PHACTR3: variants seen among roughly 807,000 people sequenced by gnomAD.
PHACTR3 encodes phosphatase and actin regulator 3, also known as protein phosphatase 1, regulatory subunit 123.
In PHACTR3, 16 loss-of-function variants were observed where a neutral mutation model predicts 66.8. The ratio of observed to expected loss-of-function variants is 0.24; its 90% CI spans 0.16 to 0.36. PHACTR3 has a LOEUF of 0.36. Among genes scored for constraint, PHACTR3 ranks in the 10% least tolerant of loss-of-function variants. The probability of loss-of-function intolerance (pLI) is 1.00; values close to 1 mark genes in which losing one functional copy is unlikely to be tolerated. For synonymous variants in PHACTR3, 323 were observed against 292.1 expected, an observed-to-expected ratio of 1.11 and a Z score of -1.08; for missense variants, 647 against 719.9, an observed-to-expected ratio of 0.90 and a Z score of 1.16.
At chr20:59,810,928 C>T (rs1600697822) in intron 8 of PHACTR3, among the ~76,000 whole-genome samples, 1 of 152,362 alleles carries the variant, frequency 6.6e-6, no homozygotes, top group Non-Finnish European at 1.5e-5. Context: ...TGTTTTGCCT[C>T]CATCCTGTCT....
chr20:59,668,758 A>G (rs2146498652), intron 1 of PHACTR3, among the ~76,000 whole-genome samples: 1 of 152,186 alleles, frequency 6.6e-6, no homozygotes, highest in South Asian at 2.1e-4. Context: ...CTGGAGTGCA[A>G]TGGCATGATC....
At chr20:59,660,039 C>T (rs866997979) in intron 1 of PHACTR3, among the ~76,000 whole-genome samples, 6 of 152,128 alleles carry the variant, frequency 3.9e-5, no homozygotes, top group Admixed American at 1.3e-4. Flanking sequence ...ATTGAATGTC[C>T]GGAGTTCCCA....
intron 1 of PHACTR3, among the ~76,000 whole-genome samples, chr20:59,586,852 G>A (rs1254598560): frequency 1.3e-5 from 2 of 152,160 alleles, no homozygotes; most frequent in East Asian, 1.9e-4. Context: ...GGCTGAAAGG[G>A]ACAGAGTAAC....
At position 59,650,395 on chromosome 20, in the gene PHACTR3, G is replaced by A. The variant is rs143956484; in HGVS notation, c.118+45263G>A. Among the ~76,000 whole-genome samples the A allele has an allele frequency of 7.6e-4, 116 of 152,104 alleles. 1 individual carries two copies. Among genetic ancestry groups the A allele is most frequent in the African/African-American group, 2.6e-3 (106 of 41,494 alleles). On this transcript the variant is annotated intron_variant, in intron 1 of 12. Coordinates refer to ENST00000371015, the MANE Select transcript of PHACTR3 (RefSeq NM_080672.5). ...TGATTGTTCTCGTTGGGGGGAGGGC[G>A]TTAATTTTAAAAAGTCAAGTGAAAG... is the stretch of plus-strand genomic sequence containing the variant.
At chr20:59,611,609 G>A (rs2033847814) in intron 1 of PHACTR3, among the ~76,000 whole-genome samples, 2 of 152,192 alleles carry the variant, frequency 1.3e-5, no homozygotes. Flanking sequence ...TTCCTGCTCT[G>A]ATTCTGGATT....
At chr20:59,794,829 A>G (rs2041206260) in intron 7 of PHACTR3, among the ~76,000 whole-genome samples, 1 of 152,106 alleles carries the variant, frequency 6.6e-6, no homozygotes, top group African/African-American at 2.4e-5. Context: ...CGTACTGTGC[A>G]TTGTGCAGGT....
intron 1 of PHACTR3, among the ~76,000 whole-genome samples, chr20:59,637,757 T>A (rs1224961790): frequency 6.6e-6 from 1 of 151,292 alleles, no homozygotes; most frequent in African/African-American, 2.4e-5. Flanking sequence ...TGGCAAAACT[T>A]GATTCCCTAT....
intron 1 of PHACTR3, among the ~76,000 whole-genome samples, chr20:59,695,393 T>C (rs1183055149): frequency 6.6e-6 from 1 of 152,176 alleles, no homozygotes; most frequent in Non-Finnish European, 1.5e-5. Context: ...GGCTATGTCT[T>C]GTGAGATGTA....
chr20:59,593,766 C>T (rs1046550119), intron 1 of PHACTR3, among the ~76,000 whole-genome samples: 2 of 152,134 alleles, frequency 1.3e-5, no homozygotes, highest in Non-Finnish European at 2.9e-5. Context: ...ACTTTCTTTT[C>T]TCCATTATAT....
intron 7 of PHACTR3, among the ~76,000 whole-genome samples, chr20:59,792,052 T>A (rs2041120289): frequency 6.6e-6 from 1 of 152,160 alleles, no homozygotes; most frequent in African/African-American, 2.4e-5. Flanking sequence ...CACCTAGGAA[T>A]AGAAGGGAGG....
In PHACTR3 at chr20:59,806,049, C is replaced by T. The variant is rs773275688; in HGVS notation, c.1183C>T (p.Pro395Ser). Residue 395 changes from proline (P) to serine (S), a missense_variant, in exon 8 of 13, where the codon CCA becomes TCA. Pro to Ser is a moderately conservative substitution (Grantham distance 74). Coordinates refer to ENST00000371015, the MANE Select transcript of PHACTR3 (RefSeq NM_080672.5). ...LNDSIISGTL[P>S]RKCKKELLAV... The stretch of plus-strand genomic sequence containing the variant: ...CTGGATGGGGCTTTTAGGAACACTG[C>T]CACGGAAATGCAAGAAGGAGCTCCT... 6.2e-7 allele frequency: 1 copy of T among 1,613,674 alleles called. No individual in the cohort carries two copies. The highest frequency in any genetic ancestry group is 1.7e-5 in the Admixed American group (1 of 59,934).
chr20:59,697,581 A>C (rs189236599), intron 1 of PHACTR3, among the ~76,000 whole-genome samples: 1 of 152,258 alleles, frequency 6.6e-6, no homozygotes, highest in Non-Finnish European at 1.5e-5. Flanking sequence ...TGCTATTGCT[A>C]TTTGTTACCC....
intron 1 of PHACTR3, among the ~76,000 whole-genome samples, chr20:59,678,457 C>T (rs902185455): frequency 1.3e-5 from 2 of 152,158 alleles, no homozygotes; most frequent in African/African-American, 4.8e-5. Context: ...TGCGTTCCTC[C>T]TGTCTAGGGC....
At chr20:59,592,156 A>T (rs2033201819) in intron 1 of PHACTR3, among the ~76,000 whole-genome samples, 1 of 152,128 alleles carries the variant, frequency 6.6e-6, no homozygotes, top group African/African-American at 2.4e-5. Flanking sequence ...AATGTCTTCC[A>T]AGCAGAACCC....
At chr20:59,700,429 C>T (rs1192942919) in intron 1 of PHACTR3, among the ~76,000 whole-genome samples, 1 of 152,144 alleles carries the variant, frequency 6.6e-6, no homozygotes, top group Non-Finnish European at 1.5e-5. Context: ...ATTATATGTG[C>T]ATTTTAAGTT....
In PHACTR3 at chr20:59,638,015, T is replaced by C. The variant is rs954536939; in HGVS notation, c.118+32883T>C. ...GGAAGTATGGGAATAGAAAACTACATGGCCAGGGTCTGAATCCAGGCTGTT... is the reference window on the plus strand; with the variant it reads ...GGAAGTATGGGAATAGAAAACTACACGGCCAGGGTCTGAATCCAGGCTGTT... On this transcript the variant is annotated intron_variant, in intron 1 of 12. Transcript: ENST00000371015. Among the ~76,000 whole-genome samples, 13 of 152,204 alleles carry C rather than the reference T, an allele frequency of 8.5e-5. No individual in the cohort carries two copies. The South Asian group carries it at 1.2e-3, about 15-fold the overall frequency.
intron 5 of PHACTR3, among the ~76,000 whole-genome samples, chr20:59,769,635 C>G (rs1484347300): frequency 1.3e-5 from 2 of 152,222 alleles, no homozygotes; most frequent in Non-Finnish European, 2.9e-5. Flanking sequence ...GCCCCCCAGA[C>G]AGTAGTCCCT....
chr20:59,755,617 C>T (rs1422046978), intron 4 of PHACTR3, among the ~76,000 whole-genome samples: 1 of 101,864 alleles, frequency 9.8e-6, no homozygotes, highest in Non-Finnish European at 2.1e-5. Context: ...GTTCATCTCC[C>T]TGGCACACCT....
intron 1 of PHACTR3, among the ~76,000 whole-genome samples, chr20:59,704,452 T>C (rs1490604048): frequency 6.6e-6 from 1 of 152,084 alleles, no homozygotes; most frequent in African/African-American, 2.4e-5. Context: ...GGCTTTCTTG[T>C]AGGTTCCTTT....
Sources: gnomAD v4.1 joint callset for allele counts (sites outside exome capture counted in the v4.1 genomes callset) on GRCh38, gnomAD v4.1.1 for gene constraint, MANE v1.5 for transcripts, NCBI Gene and HGNC (gene_info 2026-07-23, HGNC 2026-07-21) for gene names.